Variants in MAPK8IP1 observed in about 807,000 individuals in gnomAD.
MAPK8IP1 encodes mitogen-activated protein kinase 8 interacting protein 1, also known as C-Jun-amino-terminal kinase-interacting protein 1.
A neutral mutation model predicts 72.6 loss-of-function variants in MAPK8IP1; 17 were observed. The ratio of observed to expected loss-of-function variants is 0.23; its 90% CI spans 0.16 to 0.35. MAPK8IP1 has a LOEUF of 0.35. MAPK8IP1 is among the 10% of genes least tolerant of loss of function. MAPK8IP1 has a pLI of 1.00. For missense variants in MAPK8IP1, 789 were observed against 1,009.7 expected (o/e 0.78, Z 2.96); for synonymous variants, 401 against 443.4 (o/e 0.90, Z 1.20).
At chr11:45,886,941 G>T (rs1175714031) in intron 1 of MAPK8IP1, among the ~76,000 whole-genome samples, 3 of 152,098 alleles carry the variant, frequency 2.0e-5, no homozygotes, top group Non-Finnish European at 4.4e-5. Context: ...TCCTCAGGTG[G>T]GCAGAGACCC....
intron 3 of MAPK8IP1, among the ~76,000 whole-genome samples, chr11:45,901,657 C>T (rs1043884179): frequency 7.2e-5 from 11 of 152,166 alleles, no homozygotes; most frequent in Non-Finnish European, 2.9e-5. Flanking sequence ...TCCTGCTTCT[C>T]TTCTCCCCTG....
chr11:45,899,888 C>A (rs2086635868), intron 2 of MAPK8IP1, among the ~76,000 whole-genome samples: 1 of 152,172 alleles, frequency 6.6e-6, no homozygotes, highest in South Asian at 2.1e-4. Context: ...AACGGGAGGG[C>A]GCAAGGAGTC....
rs749912175 is a variant in MAPK8IP1, at chr11:45,902,473, C to T, written c.706C>T (p.Pro236Ser). 2 of 1,603,868 alleles carry T rather than the reference C, an allele frequency of 1.2e-6. No individual in the cohort carries two copies. Among genetic ancestry groups the T allele is most frequent in the South Asian group, 2.2e-5 (2 of 89,832 alleles). Residue 236 changes from proline (P) to serine (S), a missense_variant, in exon 5 of 12, where the codon CCT becomes TCT. Transcript: ENST00000241014. The surrounding 1 kb of genome is among the most constrained non-coding windows in gnomAD (Gnocchi z 9.3). Reference protein sequence around the residue: ...TTDRGTSTDSPCRRSTATQMA... With the variant: ...TTDRGTSTDSSCRRSTATQMA... ...AGATCGAGGCACCTCCACCGACAGCCCTTGCCGCCGCAGCACAGCCACCCA... is the reference window on the plus strand; with the variant it reads ...AGATCGAGGCACCTCCACCGACAGCTCTTGCCGCCGCAGCACAGCCACCCA...
At chr11:45,892,177 A>G (rs1317456067) in intron 1 of MAPK8IP1, among the ~76,000 whole-genome samples, 1 of 152,182 alleles carries the variant, frequency 6.6e-6, no homozygotes, top group African/African-American at 2.4e-5. Flanking sequence ...ACCCAGAGCC[A>G]GGTGGTGGGG....
At position 45,885,694 on chromosome 11, in the gene MAPK8IP1, C is replaced by G. The variant is rs1211068598; in HGVS notation, c.-127C>G. 1 of 433,018 alleles carries G rather than the reference C, an allele frequency of 2.3e-6. No individual in the cohort carries two copies. Among genetic ancestry groups the G allele is most frequent in the African/African-American group, 2.1e-5 (1 of 47,608 alleles). 26.8% of individuals were successfully genotyped at this position (433,018 alleles called of 1,614,324 possible). On this transcript the variant is annotated 5_prime_UTR_variant, in exon 1 of 12. Transcript: ENST00000241014. ...CGGTGCTGTGCCGCGCCCTGCCAGA[C>G]ACAGGTGCGCCCGCCTAGCCCGAAC...
intron 1 of MAPK8IP1, among the ~76,000 whole-genome samples, chr11:45,892,443 G>C (rs78014668): frequency 0.058 from 8,900 of 152,284 alleles, 375 homozygotes; most frequent in Non-Finnish European, 0.082. Context: ...GATCAAAACA[G>C]ATATGATCCC....
At chr11:45,893,522 A>T (rs2086581731) in intron 1 of MAPK8IP1, among the ~76,000 whole-genome samples, 1 of 152,180 alleles carries the variant, frequency 6.6e-6, no homozygotes, top group African/African-American at 2.4e-5. Flanking sequence ...CCAGAGACCA[A>T]ACTCACAGCT....
At chr11:45,898,835 C>T (rs2086627753) in intron 2 of MAPK8IP1, among the ~76,000 whole-genome samples, 1 of 152,224 alleles carries the variant, frequency 6.6e-6, no homozygotes, top group African/African-American at 2.4e-5. Context: ...AGGTCCCCAG[C>T]ACCTGGGTAA....
intron 2 of MAPK8IP1, among the ~76,000 whole-genome samples, chr11:45,898,981 G>A (rs1303946101): frequency 1.3e-5 from 2 of 152,208 alleles, no homozygotes; most frequent in Non-Finnish European, 2.9e-5. Context: ...AGGGCGGGTA[G>A]CCAGATACGG....
chr11:45,885,998 C>G (rs1476976431), intron 1 of MAPK8IP1, 77 bp downstream of exon 1: 2 of 849,166 alleles, frequency 2.4e-6, no homozygotes, highest in Non-Finnish European at 3.2e-6. Flanking sequence ...CCGCCCCCCA[C>G]CCCAGAACCT....
At position 45,904,133 on chromosome 11, in the gene MAPK8IP1, G is replaced by C; in HGVS notation, c.1638G>C (p.Glu546Asp). 6.2e-7 allele frequency: 1 copy of C among 1,613,980 alleles called. No homozygotes were observed. The highest frequency in any genetic ancestry group is 8.5e-7 in the Non-Finnish European group (1 of 1,180,000). ...RGVFPAYYAI[E>D]VTKEPEHMAA... ...TCTTTCCTGCCTATTACGCCATCGA[G>C]GTCACCAAGGAGCCCGAGCACATGG... is the stretch of plus-strand genomic sequence containing the variant. Residue 546 changes from glutamate to aspartate, a missense_variant, in exon 7 of 12, where the codon GAG becomes GAC. Transcript: ENST00000241014. The surrounding 1 kb of genome is among the most constrained non-coding windows in gnomAD (Gnocchi z 6.4).
rs1250378991 is a variant in MAPK8IP1, at chr11:45,904,850, C to T, written c.1893+16C>T. 5 of 1,612,736 alleles carry T rather than the reference C, an allele frequency of 3.1e-6. No individual in the cohort carries two copies. In the Admixed American group the frequency reaches 5.0e-5, roughly 16 times the overall value. On this transcript the variant is annotated intron_variant, in intron 9 of 11. Coordinates refer to ENST00000241014, the MANE Select transcript of MAPK8IP1 (RefSeq NM_005456.4). This position sits in a 1 kb window ranked among gnomAD's most constrained non-coding sequence, Gnocchi z 6.4. ...GGAGGCCAAGGTGACTTCTTCCAAC[C>T]CAGCCCCTTCCTTCCATGGCCCCAA... is the stretch of plus-strand genomic sequence containing the variant.
At position 45,904,208 on chromosome 11, in the gene MAPK8IP1, G is replaced by T. The variant is rs1318078177; in HGVS notation, c.1666+47G>T. 1 of 1,584,488 alleles carries T rather than the reference G, an allele frequency of 6.3e-7. No homozygotes were observed. Among genetic ancestry groups the T allele is most frequent in the Non-Finnish European group, 8.6e-7 (1 of 1,160,534 alleles). On this transcript the variant is annotated intron_variant, in intron 7 of 11. Coordinates refer to ENST00000241014, the MANE Select transcript of MAPK8IP1 (RefSeq NM_005456.4). This position sits in a 1 kb window ranked among gnomAD's most constrained non-coding sequence, Gnocchi z 6.4. Reference sequence around the variant, plus strand: ...GTGCCCCCAGCCACCACATCTGTCTGCCCCAACTTGCTGCTAGGTGAACGT... The same window carrying T: ...GTGCCCCCAGCCACCACATCTGTCTTCCCCAACTTGCTGCTAGGTGAACGT...
intron 1 of MAPK8IP1, among the ~76,000 whole-genome samples, chr11:45,895,590 A>G (rs1278258831): frequency 1.4e-5 from 2 of 146,840 alleles, no homozygotes; most frequent in African/African-American, 5.0e-5. Flanking sequence ...ATTGCTCTCC[A>G]GCCTGGGTGA....
chr11:45,887,559 G>A (rs1020377199), intron 1 of MAPK8IP1, among the ~76,000 whole-genome samples: 6 of 152,230 alleles, frequency 3.9e-5, no homozygotes, highest in African/African-American at 9.6e-5. Context: ...AGGTCTGTGC[G>A]TGTTTAGTCC....
Position 45,900,492 on chromosome 11 carries a change from C to T in MAPK8IP1, c.522+40C>T, listed in dbSNP as rs1341221701. ...TGGGGGGCGGCGCCCTGGGCCGCCGCGGAGATGTGAGGGGGAGCGCAGAGG... is the reference window on the plus strand; with the variant it reads ...TGGGGGGCGGCGCCCTGGGCCGCCGTGGAGATGTGAGGGGGAGCGCAGAGG... On this transcript the variant is annotated intron_variant, in intron 3 of 11. Transcript: ENST00000241014. This position sits in a 1 kb window ranked among gnomAD's most constrained non-coding sequence, Gnocchi z 6.5. 6.5e-7 allele frequency: 1 copy of T among 1,528,416 alleles called. No individual in the cohort carries two copies. The highest frequency in any genetic ancestry group is 1.2e-5 in the South Asian group (1 of 83,430). 94.7% of individuals were successfully genotyped at this position (1,528,416 alleles called of 1,614,324 possible).
rs769360186 is a variant in MAPK8IP1, at chr11:45,900,149, C to G, written c.219C>G (p.Ala73=). 38 of 1,281,076 alleles carry G rather than the reference C, an allele frequency of 3.0e-5. No individual in the cohort carries two copies. The highest frequency in any genetic ancestry group is 1.4e-4 in the African/African-American group (9 of 63,836). 79.4% of individuals were successfully genotyped at this position (1,281,076 alleles called of 1,614,324 possible). A position where few individuals can be genotyped will look rare whatever the true frequency, so the allele number is the denominator to read the frequency against. ...KDTLSLRPPR[A]GLLSAGGGGA... is the part of the protein sequence containing the mutation. ...CGTGCGCTGTGCAGCCCCCGCGCGC[C>G]GGGCTGCTCTCTGCGGGCGGCGGCG... The change falls in exon 3 of 12, where the codon GCC becomes GCG. Residue 73 remains alanine, a synonymous_variant. Transcript: ENST00000241014. The surrounding 1 kb of genome is among the most constrained non-coding windows in gnomAD (Gnocchi z 6.5).
chr11:45,887,403 A>G (rs1344417144), intron 1 of MAPK8IP1, among the ~76,000 whole-genome samples: 1 of 152,150 alleles, frequency 6.6e-6, no homozygotes, highest in Non-Finnish European at 1.5e-5. Flanking sequence ...GTGTCTTCCC[A>G]AGGCCCCTCC....
chr11:45,886,070 C>A (rs2086524985), intron 1 of MAPK8IP1, 149 bp downstream of exon 1: 3 of 458,202 alleles, frequency 6.5e-6, no homozygotes, highest in Admixed American at 4.4e-5. Flanking sequence ...CAGAGCCCCC[C>A]TCAGAAGCCC....
Sources: gnomAD v4.1 joint callset for allele counts (sites outside exome capture counted in the v4.1 genomes callset) on GRCh38, gnomAD v4.1.1 for gene constraint, Gnocchi (gnomAD v3.1) non-coding constraint, MANE v1.5 for transcripts, NCBI Gene and HGNC (gene_info 2026-07-23, HGNC 2026-07-21) for gene names.